The following JADE2 variants were observed in gnomAD, a reference collection of about 807,000 sequenced individuals.
The protein encoded by JADE2 is jade family PHD finger 2.
A neutral mutation model predicts 85.7 loss-of-function variants in JADE2; 13 were observed. The observed-to-expected ratio is 0.15, with a 90% CI of 0.10 to 0.24. The LOEUF is 0.24. Ranked by LOEUF, JADE2 falls within the 10% of genes least tolerant of loss-of-function variation. JADE2 has a pLI of 1.00. For synonymous variants in JADE2, 440 were observed against 456.1 expected, an observed-to-expected ratio of 0.96 and a Z score of 0.45; for missense variants, 846 against 1,115.9, an observed-to-expected ratio of 0.76 and a Z score of 3.45.
chr5:134,560,283 A>T lies in JADE2; in HGVS notation c.472+293A>T, dbSNP rs557492215. ...TAGTGAGCATGCAGGGGAGGCTAGGATGGCACATGGGGCTAGGGTCAGGAT... is the reference window on the plus strand; with the variant it reads ...TAGTGAGCATGCAGGGGAGGCTAGGTTGGCACATGGGGCTAGGGTCAGGAT... On this transcript the variant is annotated intron_variant, in intron 5 of 11. Transcript: ENST00000681547. Among the ~76,000 whole-genome samples, 3 of 152,186 alleles carry T rather than the reference A, an allele frequency of 2.0e-5. No homozygotes were observed. In the South Asian group the frequency reaches 6.2e-4, roughly 32 times the overall value.
chr5:134,559,767 G>A (rs1763211720), intron 4 of JADE2, 63 bp from the exon 5 acceptor site: 1 of 1,538,988 alleles, frequency 6.5e-7, no homozygotes, highest in Non-Finnish European at 8.8e-7. Flanking sequence ...TCAGCTCCCT[G>A]GAGCCCCTAT....
At chr5:134,524,078 G>A (rs1760672673), upstream of JADE2, among the ~76,000 whole-genome samples, 1 of 152,194 alleles carries the variant, frequency 6.6e-6, no homozygotes, top group Admixed American at 6.5e-5. Context: ...AGGGGCAGCC[G>A]ACCATGAGGG....
Position 134,579,335 on chromosome 5 carries a change from C to T in JADE2, c.*18C>T, listed in dbSNP as rs771263512. 1.9e-6 allele frequency: 3 copies of T among 1,541,828 alleles called. No homozygotes were observed. The highest frequency in any genetic ancestry group is 1.7e-6 in the Non-Finnish European group (2 of 1,143,138). On this transcript the variant is annotated 3_prime_UTR_variant, in exon 12 of 12. Transcript: ENST00000681547. This position sits in a 1 kb window ranked among gnomAD's most constrained non-coding sequence, Gnocchi z 4.6. Reference sequence around the variant, plus strand: ...CCTCCTAACTCACCCCCTTCCCTGTCCCAGGCCCTGCCCTGGTCCCCCCAC... The same window carrying T: ...CCTCCTAACTCACCCCCTTCCCTGTTCCAGGCCCTGCCCTGGTCCCCCCAC...
At chr5:134,552,002 ACTGCCCTGAGGCAGT>A (rs1242027088) in intron 3 of JADE2, 35 bp from the exon 4 acceptor site, 2 of 1,597,844 alleles carry the variant, frequency 1.3e-6, no homozygotes, top group South Asian at 2.2e-5. Context: ...TGTGGGGCAG[ACTGCCCTGAGGCAGT>A]CTGAAGTCAC....
intron 1 of JADE2, 105 bp from the exon 2 acceptor site, chr5:134,535,753 C>A: frequency 3.3e-6 from 3 of 904,806 alleles, no homozygotes; most frequent in South Asian, 2.8e-5. Context: ...TCTTATCTTT[C>A]TGCAGTGTCA....
At chr5:134,526,541 C>A (rs1760832744) in intron 1 of JADE2, 1 of 985,248 alleles carries the variant, frequency 1.0e-6, no homozygotes, top group Non-Finnish European at 1.2e-6. Context: ...GGGCGCCGAA[C>A]CGGGCTGAGC....
intron 9 of JADE2, among the ~76,000 whole-genome samples, chr5:134,572,271 C>T (rs922320800): frequency 2.6e-5 from 4 of 152,212 alleles, no homozygotes; most frequent in Admixed American, 6.5e-5. Context: ...CTGGTGCTCA[C>T]GGTCTTCGAG....
intron 10 of JADE2, chr5:134,574,509 C>A (rs1381563993): frequency 6.6e-6 from 1 of 152,372 alleles, no homozygotes; most frequent in Non-Finnish European, 1.5e-5. Flanking sequence ...CAGGGTCTGC[C>A]AATGCCACTT....
chr5:134,524,128 C>T (rs1357070796), upstream of JADE2, among the ~76,000 whole-genome samples: 3 of 152,198 alleles, frequency 2.0e-5, no homozygotes, highest in Admixed American at 2.0e-4. Flanking sequence ...GGATGTTGGG[C>T]CAGGCTCCCC....
chr5:134,538,046 C>T lies in JADE2; in HGVS notation c.116C>T (p.Ser39Leu), dbSNP rs775201864. The T allele has an allele frequency of 2.0e-5, 32 of 1,613,988 alleles. No individual in the cohort carries two copies. The highest frequency in any genetic ancestry group is 8.3e-5 in the Admixed American group (5 of 59,998). The stretch of plus-strand genomic sequence containing the variant: ...TCCAAACTGCCCAGCAGCACCAAGT[C>T]GGGCTGGCCCCGACAGAACGAAAAG... ...RCSKLPSSTK[S>L]GWPRQNEKKP... The change falls in exon 3 of 12, where the codon TCG becomes TTG. Residue 39 changes from serine to leucine, a missense_variant. This residue lies in a region of JADE2 where 44 missense variants were observed against 92.0 expected (regional missense o/e 0.48). Coordinates refer to ENST00000681547, the MANE Select transcript of JADE2 (RefSeq NM_001388185.1).
At chr5:134,563,300 A>C (rs1468691538) in intron 7 of JADE2, among the ~76,000 whole-genome samples, 3 of 151,104 alleles carry the variant, frequency 2.0e-5, no homozygotes, top group Non-Finnish European at 4.4e-5. Context: ...CCTGGGTAAC[A>C]GAATGAGACT....
intron 3 of JADE2, among the ~76,000 whole-genome samples, chr5:134,539,632 G>A (rs965306256): frequency 2.0e-5 from 3 of 152,262 alleles, no homozygotes; most frequent in African/African-American, 4.8e-5. Flanking sequence ...AGTGAGGATC[G>A]CAAGGTCATT....
intron 1 of JADE2, among the ~76,000 whole-genome samples, chr5:134,529,455 C>G (rs1431298710): frequency 6.6e-6 from 1 of 152,236 alleles, no homozygotes; most frequent in Non-Finnish European, 1.5e-5. Context: ...TGAATCCTGG[C>G]TGTGCAGTTA....
At chr5:134,528,607 A>G (rs926514093) in intron 1 of JADE2, among the ~76,000 whole-genome samples, 1 of 152,200 alleles carries the variant, frequency 6.6e-6, no homozygotes, top group African/African-American at 2.4e-5. Flanking sequence ...TTTGCATGGT[A>G]GAGGAAGGGA....
In JADE2 at chr5:134,537,981, C is replaced by G; in HGVS notation, c.59-8C>G. On this transcript the variant is annotated splice_region_variant and splice_polypyrimidine_tract_variant and intron_variant, in intron 2 of 11. Transcript: ENST00000681547. ...CAGGACCCCTAATGGACTGTTCTCT[C>G]TCTGCAGGTCATGCGACATCTACAT... is the stretch of plus-strand genomic sequence containing the variant. 3 of 1,612,314 alleles carry G rather than the reference C, an allele frequency of 1.9e-6. No individual in the cohort carries two copies. The highest frequency in any genetic ancestry group is 2.5e-6 in the Non-Finnish European group (3 of 1,178,462).
At chr5:134,573,107 C>T (rs1389719691) in intron 9 of JADE2, among the ~76,000 whole-genome samples, 1 of 152,238 alleles carries the variant, frequency 6.6e-6, no homozygotes, top group Non-Finnish European at 1.5e-5. Context: ...TCTCTGGCTG[C>T]AAGTACCGGG....
intron 1 of JADE2, among the ~76,000 whole-genome samples, chr5:134,535,460 C>T (rs1484143875): frequency 6.6e-6 from 1 of 152,200 alleles, no homozygotes; most frequent in Admixed American, 6.5e-5. Context: ...CCTCTACCCA[C>T]CTACCTCCCT....
At chr5:134,542,558 C>T (rs1364724257) in intron 3 of JADE2, among the ~76,000 whole-genome samples, 1 of 151,262 alleles carries the variant, frequency 6.6e-6, no homozygotes, top group Admixed American at 6.6e-5. Flanking sequence ...TCTCCTGCCT[C>T]AGCCTCTAGA....
rs748379433 is a variant in JADE2, at chr5:134,578,777, G to A, written c.1965G>A (p.Pro655=). The A allele has an allele frequency of 2.8e-5, 45 of 1,613,614 alleles. No individual in the cohort carries two copies. Among genetic ancestry groups the A allele is most frequent in the Middle Eastern group, 3.3e-4 (2 of 6,084 alleles). Residue 655 remains proline (P), a synonymous_variant, in exon 12 of 12, where the codon CCG becomes CCA. Transcript: ENST00000681547. The surrounding 1 kb of genome is among the most constrained non-coding windows in gnomAD (Gnocchi z 4.4). ...AGAAGAAACCACCACCACCACCACC[G>A]CAGGACGGGCCTGGTTCACGGACGA... The part of the protein sequence containing the change: ...PAKKKPPPPP[P]QDGPGSRTTP...
Sources: allele counts gnomAD v4.1 joint callset (sites outside exome capture counted in the v4.1 genomes callset), GRCh38; gene constraint gnomAD v4.1.1; regional missense constraint gnomAD v4.1.1; non-coding constraint Gnocchi (gnomAD v3.1); transcripts MANE v1.5; gene names NCBI Gene and HGNC (gene_info 2026-07-23, HGNC 2026-07-21).